The following LCORL variants were observed in gnomAD, a reference collection of about 807,000 sequenced individuals.
LCORL encodes the protein ligand dependent nuclear receptor corepressor like.
LCORL carries 41 observed loss-of-function variants against 141.8 expected under a neutral mutation model. That is an observed-to-expected ratio of 0.29 (90% confidence interval 0.23 to 0.38). The LOEUF (loss-of-function observed/expected upper bound fraction) is 0.38. Ranked by LOEUF, LCORL falls within the 10% of genes least tolerant of loss-of-function variation. The pLI, the probability that LCORL is intolerant of heterozygous loss-of-function variation, is 1.00. For synonymous variants in LCORL, 618 were observed against 694.1 expected, an observed-to-expected ratio of 0.89 and a Z score of 1.72; for missense variants, 1,759 against 2,035.0, an observed-to-expected ratio of 0.86 and a Z score of 2.61.
At chr4:17,982,723 T>C (rs1046605544) in intron 1 of LCORL, among the ~76,000 whole-genome samples, 1 of 152,208 alleles carries the variant, frequency 6.6e-6, no homozygotes, top group Non-Finnish European at 1.5e-5. Context: ...GCAGGTTGTC[T>C]CTTTATTCTG....
intron 4 of LCORL, among the ~76,000 whole-genome samples, chr4:17,953,426 C>T (rs985557291): frequency 2.0e-5 from 3 of 152,134 alleles, no homozygotes; most frequent in African/African-American, 7.2e-5. Flanking sequence ...CAAATTTAAA[C>T]ATTTACCCCA....
chr4:17,881,466 C>A, intron 6 of LCORL: 1 of 858,246 alleles, frequency 1.2e-6, no homozygotes, highest in Non-Finnish European at 1.4e-6. Context: ...TATAAACTAT[C>A]AAAAAATATT....
intron 7 of LCORL, among the ~76,000 whole-genome samples, chr4:17,847,665 G>A (rs1209468377): frequency 6.6e-6 from 1 of 152,132 alleles, no homozygotes; most frequent in Admixed American, 6.5e-5. Flanking sequence ...ATACATATTA[G>A]AAATGATAAC....
chr4:17,909,217 T>C (rs61731457), exon 5 of LCORL: 24,071 of 1,613,464 alleles, frequency 0.015, 352 homozygotes, highest in Non-Finnish European at 0.016. Context: ...CTTGGTCCAA[T>C]TGAACCATTT....
At chr4:17,986,296 G>A (rs1170203355) in intron 1 of LCORL, among the ~76,000 whole-genome samples, 4 of 152,070 alleles carry the variant, frequency 2.6e-5, no homozygotes, top group African/African-American at 9.7e-5. Flanking sequence ...TTTGACTGTT[G>A]GCCTCTCTAG....
intron 1 of LCORL, among the ~76,000 whole-genome samples, chr4:17,973,439 T>A (rs1022934778): frequency 6.6e-6 from 1 of 151,836 alleles, no homozygotes; most frequent in African/African-American, 2.4e-5. Flanking sequence ...TTACTGAAAA[T>A]CTTACCAAGT....
chr4:17,978,212 A>T (rs1159970987), intron 1 of LCORL, among the ~76,000 whole-genome samples: 1 of 152,102 alleles, frequency 6.6e-6, no homozygotes, highest in African/African-American at 2.4e-5. Flanking sequence ...GACATTGTGA[A>T]TTTTACATTG....
intron 7 of LCORL, among the ~76,000 whole-genome samples, chr4:17,864,755 T>C: frequency 6.6e-6 from 1 of 152,160 alleles, no homozygotes; most frequent in South Asian, 2.1e-4. Flanking sequence ...AAAGAGATCA[T>C]CTTTAAACAT....
At chr4:18,019,939 T>C (rs1725216492) in intron 1 of LCORL, among the ~76,000 whole-genome samples, 1 of 152,220 alleles carries the variant, frequency 6.6e-6, no homozygotes, top group Non-Finnish European at 1.5e-5. Flanking sequence ...AAACAATTTA[T>C]ATAAAGAATA....
At chr4:18,006,780 A>T (rs1450059750) in intron 1 of LCORL, among the ~76,000 whole-genome samples, 1 of 152,172 alleles carries the variant, frequency 6.6e-6, no homozygotes, top group Non-Finnish European at 1.5e-5. Flanking sequence ...CTCCCATGAC[A>T]GGTGGGAATT....
At chr4:17,874,562 T>C (rs1577301381) in exon 7 of LCORL, 1 of 1,233,740 alleles carries the variant, frequency 8.1e-7, no homozygotes, top group East Asian at 3.2e-5. Flanking sequence ...AAGGGCTTGC[T>C]ACTTTGAAAT....
At chr4:18,007,108 T>C (rs1422125639) in intron 1 of LCORL, among the ~76,000 whole-genome samples, 1 of 152,210 alleles carries the variant, frequency 6.6e-6, no homozygotes, top group Non-Finnish European at 1.5e-5. Context: ...TTGCCTGTTA[T>C]ATTCTCCATA....
chr4:18,021,808 G>GGGCGCGAGCCCTC lies in LCORL; in HGVS notation c.-70_-58dup, dbSNP rs199792401. 4 of 1,411,390 alleles carry GGGCGCGAGCCCTC rather than the reference G, an allele frequency of 2.8e-6. No individual in the cohort carries two copies. The African/African-American group carries it at 4.6e-5, about 16-fold the overall frequency. 87.4% of individuals were successfully genotyped at this position (1,411,390 alleles called of 1,614,324 possible). On this transcript the variant is annotated 5_prime_UTR_variant, in exon 1 of 8. Transcript: ENST00000635767. The surrounding 1 kb of genome is among the most constrained non-coding windows in gnomAD (Gnocchi z 5.5). ...TACGAGCAGCGCAGGCACGAGGCAG[G>GGGCGCGAGCCCTC]GGCGCGAGCCCTCGGCGCGAGCCCC...
At chr4:17,978,281 A>G (rs966436222) in intron 1 of LCORL, among the ~76,000 whole-genome samples, 2 of 152,160 alleles carry the variant, frequency 1.3e-5, no homozygotes, top group African/African-American at 4.8e-5. Context: ...CAGGAAGGTA[A>G]GTTACTTAAA....
At chr4:17,978,579 C>CAAAAAAA (rs202146842) in intron 1 of LCORL, among the ~76,000 whole-genome samples, 2 of 125,246 alleles carry the variant, frequency 1.6e-5, no homozygotes, top group East Asian at 2.3e-4. Flanking sequence ...GACCTTGTCT[C>CAAAAAAA]AAAAAAAAAA....
chr4:17,874,944 G>A (rs1407358001), exon 7 of LCORL: 2 of 1,233,664 alleles, frequency 1.6e-6, no homozygotes. Context: ...ATAAATAAGT[G>A]AGCTAGAAGA....
exon 7 of LCORL, chr4:17,874,077 T>C (rs529590945): frequency 6.5e-6 from 8 of 1,233,304 alleles, no homozygotes; most frequent in South Asian, 4.1e-5. Context: ...CTCAGTCTTA[T>C]TTAAAAATTG....
At chr4:17,912,583 C>T (rs1160408829) in intron 4 of LCORL, 6 of 421,996 alleles carry the variant, frequency 1.4e-5, no homozygotes, top group Non-Finnish European at 2.7e-5. Context: ...AGATGGTGCT[C>T]GTGCAGCTGA....
chr4:17,960,000 T>TA (rs1443826999), intron 4 of LCORL, among the ~76,000 whole-genome samples: 1 of 152,182 alleles, frequency 6.6e-6, no homozygotes, highest in African/African-American at 2.4e-5. Flanking sequence ...TACTATCTTC[T>TA]AGCCCCATCT....
Sources: gnomAD v4.1 joint callset for allele counts (sites outside exome capture counted in the v4.1 genomes callset) on GRCh38, gnomAD v4.1.1 for gene constraint, Gnocchi (gnomAD v3.1) non-coding constraint, MANE v1.5 for transcripts, NCBI Gene and HGNC (gene_info 2026-07-23, HGNC 2026-07-21) for gene names.